Variants in GRIK4 observed in about 807,000 individuals in gnomAD.
The protein encoded by GRIK4 is glutamate receptor ionotropic, kainate 4.
Under a neutral mutation model 104.9 loss-of-function variants are expected in GRIK4, and 40 were observed. The ratio of observed to expected loss-of-function variants is 0.38; its 90% CI spans 0.30 to 0.50. The LOEUF is 0.50. Ranked by LOEUF, GRIK4 falls within the 20% of genes least tolerant of loss-of-function variation. The pLI, the probability that GRIK4 is intolerant of heterozygous loss-of-function variation, is 0.93. For synonymous variants in GRIK4, 485 were observed against 524.9 expected (o/e 0.92, Z 1.04); for missense variants, 1,047 against 1,308.1 (o/e 0.80, Z 3.08).
At chr11:120,900,488 G>A (rs1437415455) in intron 12 of GRIK4, among the ~76,000 whole-genome samples, 1 of 152,026 alleles carries the variant, frequency 6.6e-6, no homozygotes, top group African/African-American at 2.4e-5. Flanking sequence ...AAGAATCCCT[G>A]CCTGTAAGGA....
chr11:120,690,440 C>G (rs1321610706), intron 3 of GRIK4, among the ~76,000 whole-genome samples: 1 of 152,248 alleles, frequency 6.6e-6, no homozygotes, highest in East Asian at 1.9e-4. Flanking sequence ...GTGACCCTGC[C>G]TCCTGGTTTC....
At chr11:120,957,358 A>G (rs116345307) in intron 16 of GRIK4, among the ~76,000 whole-genome samples, 5,552 of 152,326 alleles carry the variant, frequency 0.036, 336 homozygotes, top group African/African-American at 0.12. Context: ...CCTGGCTGCT[A>G]CATCACATCC....
intron 6 of GRIK4, among the ~76,000 whole-genome samples, chr11:120,824,237 GA>G (rs1021464899): frequency 6.6e-6 from 1 of 152,200 alleles, no homozygotes; most frequent in South Asian, 2.1e-4. Flanking sequence ...TCTTTAATGG[GA>G]AAAAAAGAAC....
intron 1 of GRIK4, among the ~76,000 whole-genome samples, chr11:120,586,261 G>C (rs978826043): frequency 1.2e-4 from 19 of 152,074 alleles, no homozygotes; most frequent in African/African-American, 4.6e-4. Flanking sequence ...TAATCTAGGG[G>C]GTGGTTTTTC....
Position 120,956,217 on chromosome 11 carries a change from T to C in GRIK4, c.1701-563T>C, listed in dbSNP as rs1396625584. On this transcript the variant is annotated intron_variant, in intron 15 of 20. Coordinates refer to ENST00000527524, the MANE Select transcript of GRIK4 (RefSeq NM_014619.5). The surrounding 1 kb of genome is among the most constrained non-coding windows in gnomAD (Gnocchi z 4.6). ...CTCCACTTAATCTTTTTTTTTTTTT[T>C]TGAGACAGGGTCTCACTCTGTTTGT... Among the ~76,000 whole-genome samples the C allele has an allele frequency of 6.6e-6, 1 of 151,772 alleles. No homozygotes were observed. The highest frequency in any genetic ancestry group is 1.5e-5 in the Non-Finnish European group (1 of 67,882).
rs142194589 is a variant in GRIK4 at position 120,902,559 on chromosome 11, G to T, written c.1273-2731G>T. Among the ~76,000 whole-genome samples, 335 of 152,272 alleles carry T rather than the reference G, an allele frequency of 2.2e-3. 1 individual carries two copies. The highest frequency in any genetic ancestry group is 7.7e-3 in the African/African-American group (321 of 41,542). On this transcript the variant is annotated intron_variant, in intron 12 of 20. Coordinates refer to ENST00000527524, the MANE Select transcript of GRIK4 (RefSeq NM_014619.5). This position sits in a 1 kb window ranked among gnomAD's most constrained non-coding sequence, Gnocchi z 4.5. ...CCCCCAGCCATGCCCTGTCCAGGAA[G>T]CCATTTGTTTGCTTCTTACTCACAT...
chr11:120,875,260 C>T lies in GRIK4; in HGVS notation c.1164+17C>T, dbSNP rs769969239. On this transcript the variant is annotated intron_variant, in intron 11 of 20. Coordinates refer to ENST00000527524, the MANE Select transcript of GRIK4 (RefSeq NM_014619.5). ...TTTCGGCAGGTAAGCCTAGCTGCAC[C>T]GTGGTGATGGCAGGTCCTCCTCTCT... 210 of 1,454,462 alleles carry T rather than the reference C, an allele frequency of 1.4e-4. 1 individual carries two copies. The highest frequency in any genetic ancestry group is 1.9e-4 in the Non-Finnish European group (194 of 1,034,916). 90.1% of individuals were successfully genotyped at this position (1,454,462 alleles called of 1,614,324 possible). A position where few individuals can be genotyped will look rare whatever the true frequency, so the allele number is the denominator to read the frequency against.
chr11:120,801,184 T>C (rs1952614035), intron 3 of GRIK4, among the ~76,000 whole-genome samples: 1 of 152,218 alleles, frequency 6.6e-6, no homozygotes, highest in Admixed American at 6.5e-5. Context: ...CTGTCCAATA[T>C]GTATTTTTTT....
At chr11:120,637,049 C>T (rs1434433927) in intron 1 of GRIK4, among the ~76,000 whole-genome samples, 2 of 151,876 alleles carry the variant, frequency 1.3e-5, no homozygotes, top group Non-Finnish European at 1.5e-5. Context: ...CCTCCCCAGA[C>T]GTAGGCATTT....
chr11:120,930,663 C>T (rs747480958), intron 13 of GRIK4, among the ~76,000 whole-genome samples: 27 of 152,150 alleles, frequency 1.8e-4, no homozygotes, highest in Non-Finnish European at 3.7e-4. Context: ...AGAAGATGAT[C>T]AGAGAAGGTT....
intron 3 of GRIK4, among the ~76,000 whole-genome samples, chr11:120,713,835 G>C (rs1390977605): frequency 1.3e-5 from 2 of 152,180 alleles, no homozygotes; most frequent in East Asian, 3.8e-4. Flanking sequence ...TTGGAAGATA[G>C]GGAAAGGAAG....
At chr11:120,837,197 T>C (rs1446678703) in intron 8 of GRIK4, among the ~76,000 whole-genome samples, 1 of 152,118 alleles carries the variant, frequency 6.6e-6, no homozygotes, top group Non-Finnish European at 1.5e-5. Context: ...TCCTGTGAGG[T>C]TTAGAAGATG....
intron 1 of GRIK4, among the ~76,000 whole-genome samples, chr11:120,519,034 G>A (rs867419258): frequency 1.3e-5 from 2 of 152,186 alleles, no homozygotes; most frequent in African/African-American, 4.8e-5. Flanking sequence ...AATCGGTCTA[G>A]AACTAAGCAG....
chr11:120,761,293 T>A (rs527877794), intron 3 of GRIK4, among the ~76,000 whole-genome samples: 1 of 152,074 alleles, frequency 6.6e-6, no homozygotes, highest in African/African-American at 2.4e-5. Flanking sequence ...TTTGATGGGG[T>A]TGTTTGTTTT....
At chr11:120,725,430 CTTTAA>C (rs940993839) in intron 3 of GRIK4, among the ~76,000 whole-genome samples, 2 of 152,188 alleles carry the variant, frequency 1.3e-5, no homozygotes, top group African/African-American at 4.8e-5. Flanking sequence ...AGGAAGAAGG[CTTTAA>C]TTGGGTGCTG....
chr11:120,583,228 C>T (rs1948612072), intron 1 of GRIK4, among the ~76,000 whole-genome samples: 1 of 152,038 alleles, frequency 6.6e-6, no homozygotes, highest in Admixed American at 6.6e-5. Flanking sequence ...AATTTAAGTT[C>T]CTTATAGATT....
At chr11:120,843,002 C>T (rs1392701207) in intron 8 of GRIK4, among the ~76,000 whole-genome samples, 2 of 152,278 alleles carry the variant, frequency 1.3e-5, no homozygotes, top group Non-Finnish European at 2.9e-5. Context: ...TCACCCTAAT[C>T]TATTATCAGA....
At chr11:120,644,893 T>C (rs1392283656) in intron 1 of GRIK4, among the ~76,000 whole-genome samples, 1 of 151,826 alleles carries the variant, frequency 6.6e-6, no homozygotes, top group Non-Finnish European at 1.5e-5. Flanking sequence ...TAAAGTATAA[T>C]AATAATAAAA....
intron 3 of GRIK4, among the ~76,000 whole-genome samples, chr11:120,662,798 A>G (rs1949839804): frequency 6.6e-6 from 1 of 152,102 alleles, no homozygotes; most frequent in African/African-American, 2.4e-5. Context: ...CTGCATGAAG[A>G]GACCAGGGAT....
Sources: allele counts gnomAD v4.1 joint callset (sites outside exome capture counted in the v4.1 genomes callset), GRCh38; gene constraint gnomAD v4.1.1; non-coding constraint Gnocchi (gnomAD v3.1); transcripts MANE v1.5; gene names NCBI Gene and HGNC (gene_info 2026-07-23, HGNC 2026-07-21).